The following RAD17 variants were observed in gnomAD, a reference collection of about 807,000 sequenced individuals.
RAD17 encodes RAD17 checkpoint clamp loader component.
In RAD17, 31 loss-of-function variants were observed where a neutral mutation model predicts 81.5. That is an observed-to-expected ratio of 0.38 (90% confidence interval 0.29 to 0.51). RAD17 has a LOEUF of 0.51. Among genes scored for constraint, RAD17 ranks in the 20% least tolerant of loss-of-function variants. The pLI is 0.88. For synonymous variants in RAD17, 261 were observed against 266.2 expected (o/e 0.98, Z 0.19); for missense variants, 681 against 781.2 (o/e 0.87, Z 1.53).
chr5:69,373,773 T>G, intron 4 of RAD17, 57 bp from the exon 5 acceptor site: 1 of 1,423,614 alleles, frequency 7.0e-7, no homozygotes. Flanking sequence ...TTCAGTTATT[T>G]GGGGGAATAG....
intron 6 of RAD17, among the ~76,000 whole-genome samples, chr5:69,379,097 C>A (rs557749414): frequency 6.1e-4 from 93 of 152,162 alleles, no homozygotes; most frequent in African/African-American, 2.1e-3. Context: ...CAAAAATTAG[C>A]CAGGCATGGT....
chr5:69,371,791 T>C (rs1251532317), intron 3 of RAD17, among the ~76,000 whole-genome samples: 1 of 152,124 alleles, frequency 6.6e-6, no homozygotes, highest in Non-Finnish European at 1.5e-5. Context: ...AACATTTGAA[T>C]GAAAGAACAT....
intron 16 of RAD17, among the ~76,000 whole-genome samples, chr5:69,397,015 G>A (rs950657842): frequency 6.6e-6 from 1 of 151,940 alleles, no homozygotes; most frequent in African/African-American, 2.4e-5. Flanking sequence ...TGTATTTTTA[G>A]TAGAGACAGG....
intron 5 of RAD17, 96 bp downstream of exon 5, chr5:69,374,183 C>T (rs1203840170): frequency 2.7e-6 from 3 of 1,121,414 alleles, no homozygotes; most frequent in Non-Finnish European, 3.8e-6. Flanking sequence ...AGATTTTTTA[C>T]TCATAAGAAT....
intron 17 of RAD17, among the ~76,000 whole-genome samples, chr5:69,406,624 A>G (rs991760972): frequency 6.6e-6 from 1 of 151,626 alleles, no homozygotes; most frequent in Non-Finnish European, 1.5e-5. Flanking sequence ...ACCTCAGCCT[A>G]CTGAGTAGCT....
chr5:69,414,052 T>G lies in RAD17; in HGVS notation c.1773T>G (p.Thr591=), dbSNP rs200540605. 6.2e-7 allele frequency: 1 copy of G among 1,614,212 alleles called. No homozygotes were observed. The highest frequency in any genetic ancestry group is 1.3e-5 in the African/African-American group (1 of 75,070). Residue 591 remains threonine, a synonymous_variant, in exon 19 of 19, where the codon ACT becomes ACG. Coordinates refer to ENST00000354868, the MANE Select transcript of RAD17 (RefSeq NM_133338.3). The part of the protein sequence containing the change: ...HFGRLKMEAL[T]DREHGMIDPD... ...ACAGATTGAAAATGGAAGCCCTGAC[T>G]GACAGGGAACATGGAATGATAGACC... is the stretch of plus-strand genomic sequence containing the variant.
chr5:69,369,363 A>G (rs1762739272), upstream of RAD17: 1 of 1,368,012 alleles, frequency 7.3e-7, no homozygotes, highest in East Asian at 2.7e-5. Context: ...CCGGCCTCTG[A>G]AGAGGGCAGT....
chr5:69,387,438 T>G (rs1764282784), intron 11 of RAD17, among the ~76,000 whole-genome samples: 1 of 152,194 alleles, frequency 6.6e-6, no homozygotes, highest in Non-Finnish European at 1.5e-5. Context: ...GAGGATTAAA[T>G]ACGTTAGTGT....
intron 7 of RAD17, among the ~76,000 whole-genome samples, chr5:69,382,408 G>A (rs913372899): frequency 4.6e-5 from 7 of 152,148 alleles, no homozygotes; most frequent in Non-Finnish European, 7.3e-5. Flanking sequence ...TGTTACCATC[G>A]TGCTCCAGCC....
At chr5:69,387,009 C>T (rs1319778983) in intron 11 of RAD17, among the ~76,000 whole-genome samples, 2 of 150,666 alleles carry the variant, frequency 1.3e-5, no homozygotes, top group East Asian at 1.9e-4. Flanking sequence ...ACTGCAGCCT[C>T]GACCTCTTGG....
Position 69,414,605 on chromosome 5 carries a change from A to G in RAD17, c.*313A>G, listed in dbSNP as rs891324366. On this transcript the variant is annotated 3_prime_UTR_variant, in exon 19 of 19. Coordinates refer to ENST00000354868, the MANE Select transcript of RAD17 (RefSeq NM_133338.3). ...TGTGAAGGACTAATTCAGGATGCAAAAACGTTATTGGGGGGTTGTAAATAT... is the reference window on the plus strand; with the variant it reads ...TGTGAAGGACTAATTCAGGATGCAAGAACGTTATTGGGGGGTTGTAAATAT... The G allele has an allele frequency of 3.9e-5, 15 of 388,856 alleles. No homozygotes were observed. Among genetic ancestry groups the G allele is most frequent in the Non-Finnish European group, 6.5e-5 (14 of 215,290 alleles). The allele number at this position is 388,856 out of a possible 1,614,324, so 24.1% of individuals were successfully genotyped here. A position where few individuals can be genotyped will look rare whatever the true frequency, so the allele number is the denominator to read the frequency against.
intron 16 of RAD17, among the ~76,000 whole-genome samples, chr5:69,398,285 CTTAT>C (rs1207691449): frequency 6.6e-6 from 1 of 152,068 alleles, no homozygotes; most frequent in Admixed American, 6.6e-5. Flanking sequence ...ACATACAGAG[CTTAT>C]TTGTCAATTT....
intron 11 of RAD17, among the ~76,000 whole-genome samples, chr5:69,388,687 G>T (rs1461122257): frequency 6.6e-6 from 1 of 151,922 alleles, no homozygotes; most frequent in Non-Finnish European, 1.5e-5. Context: ...GCTCACTGCA[G>T]CCTTCATCTC....
chr5:69,377,948 G>A (rs1008639145), intron 6 of RAD17, among the ~76,000 whole-genome samples: 18 of 151,356 alleles, frequency 1.2e-4, no homozygotes, highest in Admixed American at 7.3e-4. Flanking sequence ...GTGTGCCACC[G>A]CATCTGGCTA....
rs760792799 is a variant in RAD17, at chr5:69,372,176, T to C, written c.-33T>C. The C allele has an allele frequency of 3.7e-6, 6 of 1,607,008 alleles. No individual in the cohort carries two copies. Among genetic ancestry groups the C allele is most frequent in the Non-Finnish European group, 5.1e-6 (6 of 1,175,086 alleles). On this transcript the variant is annotated 5_prime_UTR_variant, in exon 4 of 19. Coordinates refer to ENST00000354868, the MANE Select transcript of RAD17 (RefSeq NM_133338.3). ...ATATAGAGGAAAGGGGCCAAGATTA[T>C]AGTACCAGTCACAATCTTTTGATGA... is the stretch of plus-strand genomic sequence containing the variant.
At chr5:69,397,920 A>G (rs1764999841) in intron 16 of RAD17, among the ~76,000 whole-genome samples, 1 of 152,164 alleles carries the variant, frequency 6.6e-6, no homozygotes, top group Admixed American at 6.6e-5. Context: ...GATGGAGACC[A>G]TCCTGGCTAA....
At chr5:69,406,677 A>G (rs922257897) in intron 17 of RAD17, among the ~76,000 whole-genome samples, 1 of 146,700 alleles carries the variant, frequency 6.8e-6, no homozygotes, top group African/African-American at 2.5e-5. Flanking sequence ...TAATTTTTGT[A>G]TTTTTTTTTT....
At chr5:69,393,908 GTTTT>G (rs34500104) in intron 15 of RAD17, among the ~76,000 whole-genome samples, 1 of 73,104 alleles carries the variant, frequency 1.4e-5, no homozygotes, top group Admixed American at 2.0e-4. Flanking sequence ...TGTTATGGTG[GTTTT>G]TTTTTTTTTT....
At position 69,371,063 on chromosome 5, in the gene RAD17, T is replaced by G; in HGVS notation, c.-388T>G. On this transcript the variant is annotated 5_prime_UTR_variant, in exon 2 of 19. Coordinates refer to ENST00000354868, the MANE Select transcript of RAD17 (RefSeq NM_133338.3). ...GTGAATTCATGGTATTTTACTTTTT[T>G]GGGAAATACTGGAAATGAAGACCTG... is the stretch of plus-strand genomic sequence containing the variant. 1 of 391,704 alleles carries G rather than the reference T, an allele frequency of 2.6e-6. No individual in the cohort carries two copies. Among genetic ancestry groups the G allele is most frequent in the South Asian group, 2.0e-5 (1 of 50,300 alleles). 24.3% of individuals were successfully genotyped at this position (391,704 alleles called of 1,614,324 possible).
Sources: gnomAD v4.1 joint callset for allele counts (sites outside exome capture counted in the v4.1 genomes callset) on GRCh38, gnomAD v4.1.1 for gene constraint, MANE v1.5 for transcripts, NCBI Gene and HGNC (gene_info 2026-07-23, HGNC 2026-07-21) for gene names.